The following LRRC43 variants were observed in gnomAD, a reference collection of about 807,000 sequenced individuals.
The protein encoded by LRRC43 is leucine-rich repeat-containing protein 43.
Under a neutral mutation model 64.3 loss-of-function variants are expected in LRRC43, and 62 were observed. The ratio of observed to expected loss-of-function variants is 0.96; its 90% CI spans 0.79 to 1.19. The LOEUF is 1.19. Among genes scored for constraint, LRRC43 ranks in the 50% most tolerant of loss-of-function variants. The pLI is 0.00. For synonymous variants in LRRC43, 422 were observed against 382.3 expected (o/e 1.10, Z -1.21); for missense variants, 868 against 845.0 (o/e 1.03, Z -0.34).
chr12:122,178,184 A>G (rs574239484), upstream of LRRC43, among the ~76,000 whole-genome samples: 17 of 147,228 alleles, frequency 1.2e-4, no homozygotes, highest in South Asian at 3.7e-3. Flanking sequence ...TTATGGCAGC[A>G]ATAGAGAACT....
upstream of LRRC43, among the ~76,000 whole-genome samples, chr12:122,182,232 C>CA (rs1218137750): frequency 6.6e-6 from 1 of 151,560 alleles, no homozygotes; most frequent in Non-Finnish European, 1.5e-5. Context: ...TACTAAAATA[C>CA]AAAAAATTAG....
Position 122,190,132 on chromosome 12 carries a change from C to T in LRRC43, c.665C>T (p.Pro222Leu), listed in dbSNP as rs1953698167. 6.2e-7 allele frequency: 1 copy of T among 1,613,972 alleles called. No individual in the cohort carries two copies. Among genetic ancestry groups the T allele is most frequent in the East Asian group, 2.2e-5 (1 of 44,874 alleles). ...ESLYVTANHW[P>L]NLVSLDLGFN... ...AGACGGTCCTGCTCACCTTCCAGGCCCAACCTCGTCTCCCTGGACCTGGGC... is the reference window on the plus strand; with the variant it reads ...AGACGGTCCTGCTCACCTTCCAGGCTCAACCTCGTCTCCCTGGACCTGGGC... The change falls in exon 5 of 12, where the codon CCC (proline) becomes CTC (leucine). Residue 222 changes from proline to leucine, a missense_variant and splice_region_variant. Coordinates refer to ENST00000339777, the MANE Select transcript of LRRC43 (RefSeq NM_001098519.2).
At chr12:122,178,128 A>G (rs1014237332), upstream of LRRC43, among the ~76,000 whole-genome samples, 4 of 151,800 alleles carry the variant, frequency 2.6e-5, no homozygotes, top group African/African-American at 4.8e-5. Flanking sequence ...GGGAGCCACC[A>G]CGCCTGGCTG....
At position 122,192,860 on chromosome 12, in the gene LRRC43, T is replaced by C; in HGVS notation, c.1205T>C (p.Leu402Pro). ...GTTACTGAAGAGGTCGAAGGGTCTC[T>C]GGAGTCTGAGGTGGAGGAGTCAGGA... ...EEVTEEVEGS[L>P]ESEVEESGES... The change falls in exon 7 of 12, where the codon CTG becomes CCG. Residue 402 changes from leucine to proline, a missense_variant. By Grantham distance (98) the Leu-to-Pro change is moderately conservative (BLOSUM62 -3). Coordinates refer to ENST00000339777, the MANE Select transcript of LRRC43 (RefSeq NM_001098519.2). The C allele has an allele frequency of 6.2e-7, 1 of 1,614,172 alleles. No individual in the cohort carries two copies. The highest frequency in any genetic ancestry group is 8.5e-7 in the Non-Finnish European group (1 of 1,180,042).
chr12:122,192,782 A>C lies in LRRC43; in HGVS notation c.1127A>C (p.Glu376Ala). 1.2e-6 allele frequency: 2 copies of C among 1,614,118 alleles called. No individual in the cohort carries two copies. The highest frequency in any genetic ancestry group is 1.7e-6 in the Non-Finnish European group (2 of 1,179,988). Residue 376 changes from glutamate (E) to alanine (A), a missense_variant, in exon 7 of 12, where the codon GAG (glutamate) becomes GCG (alanine). By Grantham distance (107) the Glu-to-Ala change is moderately radical (BLOSUM62 -1). Coordinates refer to ENST00000339777, the MANE Select transcript of LRRC43 (RefSeq NM_001098519.2). Reference sequence around the variant, plus strand: ...TCTCCCAGCTTAGAATTATTAGTTGAGGAATCTCCTGAAGAGGTCGTGGAA... The same window carrying C: ...TCTCCCAGCTTAGAATTATTAGTTGCGGAATCTCCTGAAGAGGTCGTGGAA... ...KPSPSLELLVEESPEEVVEDV... is the reference protein window; with the variant it reads ...KPSPSLELLVAESPEEVVEDV...
At chr12:122,196,999 T>A (rs1266025359) in intron 7 of LRRC43, among the ~76,000 whole-genome samples, 1 of 152,056 alleles carries the variant, frequency 6.6e-6, no homozygotes, top group Non-Finnish European at 1.5e-5. Flanking sequence ...CATGGCAGTT[T>A]TGGAAGATCA....
chr12:122,174,630 C>T (rs1307417825), intron 1 of LRRC43, among the ~76,000 whole-genome samples: 2 of 152,086 alleles, frequency 1.3e-5, no homozygotes, highest in South Asian at 2.1e-4. Context: ...GTGCAGAATG[C>T]GGTATCTCTG....
At chr12:122,174,632 G>A (rs555347170) in intron 1 of LRRC43, among the ~76,000 whole-genome samples, 1 of 152,134 alleles carries the variant, frequency 6.6e-6, no homozygotes, top group Non-Finnish European at 1.5e-5. Flanking sequence ...GCAGAATGCG[G>A]TATCTCTGGA....
At position 122,187,776 on chromosome 12, in the gene LRRC43, T is replaced by C; in HGVS notation, c.598T>C (p.Leu200=). Residue 200 remains leucine, a synonymous_variant, in exon 4 of 12, where the codon TTG becomes CTG. Coordinates refer to ENST00000339777, the MANE Select transcript of LRRC43 (RefSeq NM_001098519.2). ...CCACCCACCCGCCGGCCTGCAGCAC[T>C]TGGGGTTAGGCCACAACAAACTTCT... ...CAHPPAGLQH[L]GLGHNKLLGP... 2 of 1,614,118 alleles carry C rather than the reference T, an allele frequency of 1.2e-6. No homozygotes were observed. The highest frequency in any genetic ancestry group is 1.7e-6 in the Non-Finnish European group (2 of 1,179,994).
intron 7 of LRRC43, among the ~76,000 whole-genome samples, chr12:122,194,370 C>T (rs1454493392): frequency 2.0e-5 from 3 of 151,056 alleles, no homozygotes; most frequent in African/African-American, 7.3e-5. Flanking sequence ...AGGTCGAGAC[C>T]CGCCTGACCA....
intron 1 of LRRC43, chr12:122,173,855 G>T: frequency 6.2e-7 from 1 of 1,613,738 alleles, no homozygotes; most frequent in Non-Finnish European, 8.5e-7. Flanking sequence ...TCTTTCAAAA[G>T]CATCTTCGAG....
intron 1 of LRRC43, among the ~76,000 whole-genome samples, chr12:122,170,777 T>C (rs1953478300): frequency 6.6e-6 from 1 of 151,798 alleles, no homozygotes; most frequent in Non-Finnish European, 1.5e-5. Context: ...ACCTCTTCGG[T>C]CCTCAGTTTC....
rs1475313553 is a variant in LRRC43, at chr12:122,183,169, T to A, written c.25T>A (p.Ser9Thr). MEASYESE[S>T]ESESEAGPGT... ...CATGGAGGCGTCGTACGAGTCCGAG[T>A]CCGAGTCCGAGTCTGAGGCCGGGCC... is the stretch of plus-strand genomic sequence containing the variant. The change falls in exon 1 of 12, where the codon TCC becomes ACC. Residue 9 changes from serine to threonine, a missense_variant. By Grantham distance (58) the Ser-to-Thr change is moderately conservative. Coordinates refer to ENST00000339777, the MANE Select transcript of LRRC43 (RefSeq NM_001098519.2). 2.6e-6 allele frequency: 4 copies of A among 1,552,652 alleles called. 1 individual carries two copies. The highest frequency in any genetic ancestry group is 2.4e-5 in the East Asian group (1 of 40,938).
chr12:122,203,067 G>A (rs959862590), intron 11 of LRRC43, among the ~76,000 whole-genome samples: 2 of 152,186 alleles, frequency 1.3e-5, no homozygotes, highest in Non-Finnish European at 2.9e-5. Context: ...CTCCAGCCTG[G>A]GCGACGGAGC....
At chr12:122,197,802 T>C (rs1401587612) in intron 7 of LRRC43, among the ~76,000 whole-genome samples, 3 of 152,114 alleles carry the variant, frequency 2.0e-5, no homozygotes, top group South Asian at 2.1e-4. Flanking sequence ...AAGATGACAG[T>C]GTGCAGACAG....
At chr12:122,176,321 G>A (rs1953536644) in intron 1 of LRRC43, among the ~76,000 whole-genome samples, 1 of 152,080 alleles carries the variant, frequency 6.6e-6, no homozygotes, top group Non-Finnish European at 1.5e-5. Flanking sequence ...TTCCTAGAAC[G>A]GGAAGAGGGT....
At chr12:122,173,105 G>C (rs1004532171) in intron 1 of LRRC43, among the ~76,000 whole-genome samples, 4 of 152,150 alleles carry the variant, frequency 2.6e-5, no homozygotes, top group Admixed American at 2.6e-4. Flanking sequence ...TTATAAAGGA[G>C]AGTGTTAGGC....
chr12:122,197,646 T>C (rs528818884), intron 7 of LRRC43, among the ~76,000 whole-genome samples: 1 of 152,140 alleles, frequency 6.6e-6, no homozygotes, highest in African/African-American at 2.4e-5. Flanking sequence ...AGGTTAACTA[T>C]GGAGGAAGGC....
chr12:122,182,348 A>G (rs1036271092), upstream of LRRC43, among the ~76,000 whole-genome samples: 4 of 151,898 alleles, frequency 2.6e-5, no homozygotes, highest in African/African-American at 9.7e-5. Flanking sequence ...ACATGGTGAA[A>G]CCCCGTCTCT....
Sources: allele counts gnomAD v4.1 joint callset (sites outside exome capture counted in the v4.1 genomes callset), GRCh38; gene constraint gnomAD v4.1.1; transcripts MANE v1.5; gene names NCBI Gene and HGNC (gene_info 2026-07-23, HGNC 2026-07-21).